Variants in DPYSL3 observed in about 807,000 individuals in gnomAD.
DPYSL3 encodes the protein dihydropyrimidinase like 3.
DPYSL3 carries 16 observed loss-of-function variants against 66.1 expected under a neutral mutation model. The observed-to-expected ratio is 0.24, with a 90% confidence interval of 0.16 to 0.37. The LOEUF is 0.37. DPYSL3 is among the 10% of genes least tolerant of loss of function. The pLI, the probability that DPYSL3 is intolerant of heterozygous loss-of-function variation, is 1.00. For missense variants in DPYSL3, 738 were observed against 916.2 expected (o/e 0.81, Z 2.51); for synonymous variants, 338 against 345.1 (o/e 0.98, Z 0.23).
At chr5:147,413,751 C>A in intron 4 of DPYSL3, 94 bp from the exon 5 acceptor site, 1 of 981,378 alleles carries the variant, frequency 1.0e-6, no homozygotes, top group Admixed American at 2.0e-5. Context: ...ACCATAGCAC[C>A]CAGCTGCATT....
intron 5 of DPYSL3, among the ~76,000 whole-genome samples, chr5:147,413,142 T>A (rs1329743848): frequency 1.3e-5 from 2 of 152,192 alleles, no homozygotes; most frequent in Non-Finnish European, 2.9e-5. Flanking sequence ...GGCATGGGAA[T>A]TCATTTCTTG....
chr5:147,454,168 C>T (rs1419673265), intron 1 of DPYSL3: 1 of 152,212 alleles, frequency 6.6e-6, no homozygotes, highest in Non-Finnish European at 1.5e-5. Context: ...GTCGGATCTC[C>T]TACCTTCCCC....
At chr5:147,483,443 T>C (rs561914544) in intron 1 of DPYSL3, among the ~76,000 whole-genome samples, 1 of 152,338 alleles carries the variant, frequency 6.6e-6, no homozygotes, top group African/African-American at 2.4e-5. Context: ...ATCAGCTGAT[T>C]GACGTCCATT....
At chr5:147,465,547 G>A (rs1406144095) in intron 1 of DPYSL3, among the ~76,000 whole-genome samples, 11 of 152,076 alleles carry the variant, frequency 7.2e-5, no homozygotes, top group Admixed American at 5.2e-4. Flanking sequence ...TGATCCACCC[G>A]CCTTGGCCTC....
Position 147,395,703 on chromosome 5 carries a change from C to T in DPYSL3, c.1822G>A (p.Val608Ile), listed in dbSNP as rs776105614. The T allele has an allele frequency of 1.9e-5, 31 of 1,613,816 alleles. No individual in the cohort carries two copies. The highest frequency in any genetic ancestry group is 8.9e-5 in the East Asian group (4 of 44,874). ...GGCCCATCGTACATGCCCCTTGGGA[C>T]GGCATGCAGGTCTGCCATCTGCAGC... ...ARRKMADLHAVPRGMYDGPVF... is the reference protein window; with the variant it reads ...ARRKMADLHAIPRGMYDGPVF... The change falls in exon 13 of 14, where the codon GTC becomes ATC. Residue 608 changes from valine to isoleucine, a missense_variant. By Grantham distance (29) the Val-to-Ile change is conservative. Coordinates refer to ENST00000343218, the MANE Select transcript of DPYSL3 (RefSeq NM_001197294.2).
At chr5:147,412,933 G>A (rs1003577324) in intron 5 of DPYSL3, among the ~76,000 whole-genome samples, 7 of 152,066 alleles carry the variant, frequency 4.6e-5, no homozygotes, top group Admixed American at 1.3e-4. Flanking sequence ...ATATAATAAA[G>A]TACCACCAAC....
intron 1 of DPYSL3, among the ~76,000 whole-genome samples, chr5:147,450,588 A>G (rs912984164): frequency 6.6e-6 from 1 of 152,184 alleles, no homozygotes; most frequent in Non-Finnish European, 1.5e-5. Flanking sequence ...AGCCAACTCC[A>G]ACAGGGACAC....
intron 1 of DPYSL3, among the ~76,000 whole-genome samples, chr5:147,502,301 C>G (rs780668900): frequency 6.6e-6 from 1 of 151,850 alleles, no homozygotes; most frequent in African/African-American, 2.4e-5. Flanking sequence ...TCAGACCACG[C>G]TAAATGATAA....
intron 1 of DPYSL3, among the ~76,000 whole-genome samples, chr5:147,475,069 A>G (rs1753138268): frequency 6.6e-6 from 1 of 152,082 alleles, no homozygotes; most frequent in Non-Finnish European, 1.5e-5. Flanking sequence ...ACATGCAGTA[A>G]CCATACAACC....
rs1001099238 is a variant in DPYSL3, at chr5:147,502,930, G to A, written c.381+6548C>T. Reference sequence around the variant, plus strand: ...AGACAAAAATCAGCAGGTAAAGGGAGACGTGGGGACTCCCTTCTTATTCAC... The same window carrying A: ...AGACAAAAATCAGCAGGTAAAGGGAAACGTGGGGACTCCCTTCTTATTCAC... On this transcript the variant is annotated intron_variant, in intron 1 of 13. Coordinates refer to ENST00000343218, the MANE Select transcript of DPYSL3 (RefSeq NM_001197294.2). 2.0e-5 allele frequency among the ~76,000 whole-genome samples: 3 copies of A among 152,160 alleles called. No homozygotes were observed. In the East Asian group the frequency reaches 5.8e-4, roughly 29 times the overall value.
At chr5:147,508,322 C>G (rs1237942497) in intron 1 of DPYSL3, among the ~76,000 whole-genome samples, 1 of 152,196 alleles carries the variant, frequency 6.6e-6, no homozygotes, top group African/African-American at 2.4e-5. Context: ...TGTTCTTTCA[C>G]TAGCTCATTG....
intron 1 of DPYSL3, chr5:147,454,396 C>T (rs1454017001): frequency 2.6e-5 from 4 of 152,238 alleles, no homozygotes; most frequent in African/African-American, 9.7e-5. Flanking sequence ...GGTCCCCAGA[C>T]CCGGAACATA....
intron 1 of DPYSL3, among the ~76,000 whole-genome samples, chr5:147,498,803 T>C (rs143401275): frequency 0.036 from 5,439 of 152,290 alleles, 322 homozygotes; most frequent in African/African-American, 0.12. Flanking sequence ...TGTTTGTTTT[T>C]TCTTGTACAT....
chr5:147,450,187 G>T (rs764258472), intron 1 of DPYSL3, among the ~76,000 whole-genome samples: 16 of 152,178 alleles, frequency 1.1e-4, no homozygotes, highest in Middle Eastern at 3.4e-3. Context: ...TATTTTCTAA[G>T]ATTTTTTTAA....
chr5:147,440,401 T>C (rs949438686), intron 1 of DPYSL3, among the ~76,000 whole-genome samples: 1 of 152,246 alleles, frequency 6.6e-6, no homozygotes, highest in Non-Finnish European at 1.5e-5. Context: ...ATCTAATCAC[T>C]GAAATTATGT....
chr5:147,453,771 T>TAAATC, intron 1 of DPYSL3: 1 of 1,296,236 alleles, frequency 7.7e-7, no homozygotes, highest in Non-Finnish European at 9.8e-7. Flanking sequence ...GAGACAATAG[T>TAAATC]AAATCTCCCC....
At chr5:147,423,677 T>C (rs976179747) in intron 2 of DPYSL3, among the ~76,000 whole-genome samples, 3 of 148,508 alleles carry the variant, frequency 2.0e-5, no homozygotes, top group African/African-American at 5.0e-5. Context: ...ATTGCTATGA[T>C]TGATGAAAGC....
At chr5:147,399,418 G>A (rs1581171792) in intron 10 of DPYSL3, among the ~76,000 whole-genome samples, 166 bp from the exon 11 acceptor site, 1 of 152,180 alleles carries the variant, frequency 6.6e-6, no homozygotes, top group Admixed American at 6.5e-5. Context: ...CGAATTAGCT[G>A]GGCTGTCGTG....
chr5:147,450,103 T>C (rs1752698863), intron 1 of DPYSL3, among the ~76,000 whole-genome samples: 2 of 152,148 alleles, frequency 1.3e-5, no homozygotes, highest in African/African-American at 4.8e-5. Flanking sequence ...TGCATTTTAA[T>C]TTCAGTTGGG....
Sources: allele counts gnomAD v4.1 joint callset (sites outside exome capture counted in the v4.1 genomes callset), GRCh38; gene constraint gnomAD v4.1.1; transcripts MANE v1.5; gene names NCBI Gene and HGNC (gene_info 2026-07-23, HGNC 2026-07-21).